CHD1L: variants seen among roughly 807,000 people sequenced by gnomAD.
CHD1L encodes the protein ATP-dependent chromatin remodeler CHD1L.
A neutral mutation model predicts 115.9 loss-of-function variants in CHD1L; 118 were observed. That is an observed-to-expected ratio of 1.02 (90% confidence interval 0.88 to 1.19). The LOEUF is 1.19. Among genes scored for constraint, CHD1L ranks in the 50% most tolerant of loss-of-function variants. The pLI is 0.00. For synonymous variants in CHD1L, 411 were observed against 387.1 expected (o/e 1.06, Z -0.72); for missense variants, 1,179 against 1,065.3 (o/e 1.11, Z -1.49).
chr1:147,191,548 A>C, the CHD1L span, among the ~76,000 whole-genome samples: 1 of 151,886 alleles, frequency 6.6e-6, no homozygotes. Context: ...TTTTTCTTAT[A>C]AACTTGTTTG....
At chr1:147,196,200 A>G in the CHD1L span, among the ~76,000 whole-genome samples, 1 of 152,114 alleles carries the variant, frequency 6.6e-6, no homozygotes, top group Non-Finnish European at 1.5e-5. Context: ...ATCCCTCTTA[A>G]AATATGGAAC....
the CHD1L span, chr1:147,212,403 G>A: frequency 6.2e-7 from 1 of 1,614,002 alleles, no homozygotes; most frequent in Non-Finnish European, 8.5e-7. Context: ...CTGCTTGGCT[G>A]TTTGGCTAAT....
chr1:147,222,522 C>T, the CHD1L span, among the ~76,000 whole-genome samples: 5 of 152,102 alleles, frequency 3.3e-5, no homozygotes, highest in African/African-American at 1.2e-4. Flanking sequence ...TTCAAAATCC[C>T]ATGGAATAGA....
rs372035697 is a variant in CHD1L at position 147,284,383 on chromosome 1, T to C, written c.1738T>C (p.Tyr580His). 5.6e-6 allele frequency: 9 copies of C among 1,593,284 alleles called. No homozygotes were observed. Among genetic ancestry groups the C allele is most frequent in the Non-Finnish European group, 7.7e-6 (9 of 1,169,762 alleles). ...NHMYLFEGKD[Y>H]SKEPSKEDRK... is the part of the protein sequence containing the mutation. ...TATGTACTTATTTGAAGGTAAAGATTATTCTAAAGAGCCCAGTAAGGAAGA... is the reference window on the plus strand; with the variant it reads ...TATGTACTTATTTGAAGGTAAAGATCATTCTAAAGAGCCCAGTAAGGAAGA... The change falls in exon 16 of 23, where the codon TAT (tyrosine) becomes CAT (histidine). Residue 580 changes from tyrosine (Y) to histidine (H), a missense_variant. Coordinates refer to ENST00000369258, the MANE Select transcript of CHD1L (RefSeq NM_004284.6).
chr1:147,236,590 G>A, the CHD1L span, among the ~76,000 whole-genome samples: 497 of 152,264 alleles, frequency 3.3e-3, 1 homozygote, highest in Non-Finnish European at 5.4e-3. Flanking sequence ...AGACCCTGGA[G>A]TGGGTAGCTC....
chr1:147,184,175 C>T, the CHD1L span: 5,948 of 168,042 alleles, frequency 0.035, 148 homozygotes, highest in South Asian at 0.09. The surrounding 1 kb of genome is among the most constrained non-coding windows in gnomAD (Gnocchi z 4.4). Flanking sequence ...AAAATTCTGC[C>T]AGACCATAGC....
chr1:147,256,349 G>T (rs587669354), intron 4 of CHD1L, among the ~76,000 whole-genome samples, 182 bp from the exon 5 acceptor site: 9 of 141,616 alleles, frequency 6.4e-5, no homozygotes, highest in Non-Finnish European at 1.5e-4. Context: ...CACTTAATCA[G>T]GCTTTTCTCT....
chr1:147,224,757 G>A, the CHD1L span: 26 of 731,700 alleles, frequency 3.6e-5, no homozygotes, highest in Non-Finnish European at 5.8e-5. Flanking sequence ...TGATCCGCCC[G>A]CCTCGGCCTC....
the CHD1L span, chr1:147,225,077 G>C: frequency 6.2e-7 from 1 of 1,612,404 alleles, no homozygotes; most frequent in Non-Finnish European, 8.5e-7. Context: ...CTAAAGAAAG[G>C]ATGACAAAAG....
At chr1:147,176,471 C>T in the CHD1L span, 1 of 152,118 alleles carries the variant, frequency 6.6e-6, no homozygotes, top group Non-Finnish European at 1.5e-5. Flanking sequence ...GCCAGTATTT[C>T]TTGATAAGTA....
chr1:147,287,847 G>C, intron 19 of CHD1L, 114 bp downstream of exon 19: 1 of 834,384 alleles, frequency 1.2e-6, no homozygotes, highest in South Asian at 1.9e-5. Flanking sequence ...TAACCAGTTG[G>C]GGACTGAATT....
At chr1:147,177,238 A>G in the CHD1L span, among the ~76,000 whole-genome samples, 118 of 152,328 alleles carry the variant, frequency 7.7e-4, no homozygotes, top group South Asian at 3.1e-3. Context: ...TGGTATATCA[A>G]AGTGACATAG....
intron 8 of CHD1L, among the ~76,000 whole-genome samples, chr1:147,267,221 C>G (rs1553949047): frequency 1.3e-5 from 2 of 152,110 alleles, no homozygotes; most frequent in Non-Finnish European, 1.5e-5. Flanking sequence ...AGTTGAGGGT[C>G]TTTCTTAAAA....
chr1:147,288,229 G>C (rs587640266), intron 19 of CHD1L, among the ~76,000 whole-genome samples: 1 of 150,282 alleles, frequency 6.7e-6, no homozygotes, highest in East Asian at 2.0e-4. Context: ...GGAGGCTGAG[G>C]TGGGAGGATC....
chr1:147,284,383 T>G lies in CHD1L; in HGVS notation c.1738T>G (p.Tyr580Asp). Residue 580 changes from tyrosine (Y) to aspartate (D), a missense_variant, in exon 16 of 23, where the codon TAT becomes GAT. Tyr to Asp is a radical substitution (Grantham distance 160, BLOSUM62 -3). Coordinates refer to ENST00000369258, the MANE Select transcript of CHD1L (RefSeq NM_004284.6). Reference protein sequence around the residue: ...NHMYLFEGKDYSKEPSKEDRK... With the variant: ...NHMYLFEGKDDSKEPSKEDRK... The stretch of plus-strand genomic sequence containing the variant: ...TATGTACTTATTTGAAGGTAAAGAT[T>G]ATTCTAAAGAGCCCAGTAAGGAAGA... 6.3e-7 allele frequency: 1 copy of G among 1,593,284 alleles called. No homozygotes were observed. Among genetic ancestry groups the G allele is most frequent in the Non-Finnish European group, 8.5e-7 (1 of 1,169,762 alleles).
At chr1:147,283,199 T>C (rs1173558605) in intron 15 of CHD1L, among the ~76,000 whole-genome samples, 1 of 152,164 alleles carries the variant, frequency 6.6e-6, no homozygotes, top group East Asian at 1.9e-4. Context: ...TACTTGTTGA[T>C]AGAGTGCCTC....
At chr1:147,275,566 A>T in intron 13 of CHD1L, 98 bp downstream of exon 13, 1 of 918,878 alleles carries the variant, frequency 1.1e-6, no homozygotes, top group South Asian at 1.5e-5. Context: ...CCACACTGGG[A>T]GCTGAGAGAC....
chr1:147,267,621 CTTTG>C, intron 9 of CHD1L, 103 bp downstream of exon 9: 1 of 807,272 alleles, frequency 1.2e-6, no homozygotes, highest in East Asian at 2.7e-5. Flanking sequence ...ACTTTGTCTA[CTTTG>C]TTTATTCTCA....
intron 10 of CHD1L, among the ~76,000 whole-genome samples, chr1:147,270,004 A>G (rs185959384): frequency 4.5e-4 from 68 of 152,254 alleles, no homozygotes; most frequent in African/African-American, 1.4e-3. Context: ...CCAGTTTTTT[A>G]TTTCACAGAC....
Sources: allele counts gnomAD v4.1 joint callset (sites outside exome capture counted in the v4.1 genomes callset), GRCh38; gene constraint gnomAD v4.1.1; non-coding constraint Gnocchi (gnomAD v3.1); transcripts MANE v1.5; gene names NCBI Gene and HGNC (gene_info 2026-07-23, HGNC 2026-07-21).